The following GLI2 variants were observed in gnomAD, a reference collection of about 807,000 sequenced individuals.
The protein encoded by GLI2 is transcription activator GLI2.
GLI2 carries 22 observed loss-of-function variants against 78.9 expected under a neutral mutation model. The ratio of observed to expected loss-of-function variants is 0.28; its 90% CI spans 0.20 to 0.40. The LOEUF (loss-of-function observed/expected upper bound fraction) is 0.40. Ranked by LOEUF, GLI2 falls within the 10% of genes least tolerant of loss-of-function variation. The pLI, the probability that GLI2 is intolerant of heterozygous loss-of-function variation, is 1.00. For synonymous variants in GLI2, 974 were observed against 963.7 expected, an observed-to-expected ratio of 1.01 and a Z score of -0.20; for missense variants, 2,097 against 2,213.2, an observed-to-expected ratio of 0.95 and a Z score of 1.05.
chr2:120,804,704 A>G (rs1022090745), intron 2 of GLI2, among the ~76,000 whole-genome samples: 2 of 152,238 alleles, frequency 1.3e-5, no homozygotes, highest in Admixed American at 6.5e-5. Context: ...AGTTCCCCTC[A>G]GACTTTGTCC....
At chr2:120,892,000 T>A (rs1027571161) in intron 2 of GLI2, among the ~76,000 whole-genome samples, 1 of 145,118 alleles carries the variant, frequency 6.9e-6, no homozygotes, top group Non-Finnish European at 1.5e-5. Flanking sequence ...CCCTGCACCT[T>A]GTGACCTCCT....
intron 2 of GLI2, among the ~76,000 whole-genome samples, chr2:120,881,496 T>G (rs1461463145): frequency 4.2e-5 from 2 of 48,172 alleles, no homozygotes; most frequent in Admixed American, 2.4e-4. Context: ...GGGAAGACAG[T>G]GGGGAGAGGG....
chr2:120,874,864 T>A (rs1346962783), intron 2 of GLI2, among the ~76,000 whole-genome samples: 1 of 152,148 alleles, frequency 6.6e-6, no homozygotes, highest in Non-Finnish European at 1.5e-5. Context: ...CTCAGCTCAG[T>A]TGAGTGTCTG....
At chr2:120,948,473 C>T (rs748970202) in intron 3 of GLI2, among the ~76,000 whole-genome samples, 28 of 152,140 alleles carry the variant, frequency 1.8e-4, no homozygotes, top group Admixed American at 7.2e-4. Flanking sequence ...GCAACTGCAC[C>T]GTGGAGGCGG....
At chr2:120,914,727 G>A (rs1396353303) in intron 2 of GLI2, among the ~76,000 whole-genome samples, 2 of 152,134 alleles carry the variant, frequency 1.3e-5, no homozygotes, top group Non-Finnish European at 2.9e-5. Context: ...GGCACCCTTC[G>A]GGGCCCTACT....
At chr2:120,936,759 C>G (rs1333111145) in intron 3 of GLI2, among the ~76,000 whole-genome samples, 1 of 152,160 alleles carries the variant, frequency 6.6e-6, no homozygotes, top group Non-Finnish European at 1.5e-5. Flanking sequence ...ACTGTCCACT[C>G]GGTGGAAGCT....
intron 2 of GLI2, among the ~76,000 whole-genome samples, chr2:120,862,466 C>T (rs985968316): frequency 6.6e-6 from 1 of 152,294 alleles, no homozygotes; most frequent in African/African-American, 2.4e-5. Context: ...ATCCGTGTGA[C>T]TTCAGGCATC....
intron 3 of GLI2, among the ~76,000 whole-genome samples, chr2:120,941,063 G>A (rs759514221): frequency 6.6e-6 from 1 of 152,228 alleles, no homozygotes; most frequent in Non-Finnish European, 1.5e-5. Context: ...GGAGTGACGT[G>A]TGGACGCAGA....
chr2:120,761,213 T>G (rs944389864), intron 1 of GLI2, among the ~76,000 whole-genome samples: 1 of 152,206 alleles, frequency 6.6e-6, no homozygotes, highest in African/African-American at 2.4e-5. Context: ...GAATCTGGGC[T>G]ACATGGGTAA....
intron 2 of GLI2, among the ~76,000 whole-genome samples, chr2:120,902,693 C>G (rs62150750): frequency 0.048 from 7,385 of 152,302 alleles, 283 homozygotes; most frequent in Non-Finnish European, 0.076. Flanking sequence ...CGGGTCCCTC[C>G]TGGGTGATGG....
chr2:120,738,215 A>C (rs1228115313), intron 1 of GLI2, among the ~76,000 whole-genome samples: 1 of 152,156 alleles, frequency 6.6e-6, no homozygotes, highest in Non-Finnish European at 1.5e-5. Flanking sequence ...GTCATTCTAG[A>C]ATGTGGAATC....
intron 2 of GLI2, among the ~76,000 whole-genome samples, chr2:120,919,844 G>GAGT: frequency 6.6e-6 from 1 of 152,060 alleles, no homozygotes; most frequent in East Asian, 1.9e-4. Flanking sequence ...TGACCCTGGA[G>GAGT]CGGCCAATTG....
At chr2:120,908,673 C>A (rs188079619) in intron 2 of GLI2, among the ~76,000 whole-genome samples, 1 of 152,196 alleles carries the variant, frequency 6.6e-6, no homozygotes, top group African/African-American at 2.4e-5. Context: ...GCCCCTCCCA[C>A]CGATGGGCCA....
chr2:120,910,519 A>C (rs1161119684), intron 2 of GLI2, among the ~76,000 whole-genome samples: 1 of 152,208 alleles, frequency 6.6e-6, no homozygotes, highest in Non-Finnish European at 1.5e-5. Context: ...ATCAGCGCAG[A>C]ACCAAGTGGG....
intron 2 of GLI2, among the ~76,000 whole-genome samples, chr2:120,911,698 G>C (rs1406253210): frequency 6.6e-6 from 1 of 152,140 alleles, no homozygotes; most frequent in Admixed American, 6.5e-5. Context: ...GAAATGGTGT[G>C]GAGGGAGTAT....
chr2:120,894,813 C>G (rs991034796), intron 2 of GLI2, among the ~76,000 whole-genome samples: 1 of 152,196 alleles, frequency 6.6e-6, no homozygotes, highest in Admixed American at 6.5e-5. Context: ...ATTCTCCTGC[C>G]TCAGCCTCCG....
At chr2:120,886,193 TGTGTGTGTGTGTGTGTGC>T (rs753788951) in intron 2 of GLI2, among the ~76,000 whole-genome samples, 1,218 of 41,474 alleles carry the variant, frequency 0.029, 13 homozygotes, top group African/African-American at 0.043. Flanking sequence ...TGTGTGTGTG[TGTGTGTGTGTGTGTGTGC>T]GTGTATATTT....
intron 1 of GLI2, among the ~76,000 whole-genome samples, chr2:120,770,066 C>G (rs1573360777): frequency 7.9e-5 from 12 of 152,298 alleles, no homozygotes; most frequent in Admixed American, 3.9e-4. Flanking sequence ...GGCCCCAGCC[C>G]CTAGTGATAA....
intron 5 of GLI2, among the ~76,000 whole-genome samples, chr2:120,965,374 C>G (rs533725206): frequency 2.7e-3 from 365 of 135,096 alleles, no homozygotes; most frequent in African/African-American, 0.012. Flanking sequence ...GATGCAGATG[C>G]TGCAGCAGAG....
Sources: gnomAD v4.1 joint callset for allele counts (sites outside exome capture counted in the v4.1 genomes callset) on GRCh38, gnomAD v4.1.1 for gene constraint, MANE v1.5 for transcripts, NCBI Gene and HGNC (gene_info 2026-07-23, HGNC 2026-07-21) for gene names.